DSCAM: variants seen among roughly 807,000 people sequenced by gnomAD.
DSCAM encodes cell adhesion molecule DSCAM.
In DSCAM, 47 loss-of-function variants were observed where a neutral mutation model predicts 217.7. The observed-to-expected ratio is 0.22, with a 90% CI of 0.17 to 0.28. The LOEUF is 0.28. Ranked by LOEUF, DSCAM falls within the 10% of genes least tolerant of loss-of-function variation. The pLI is 1.00. For missense variants in DSCAM, 2,080 were observed against 2,618.3 expected, an observed-to-expected ratio of 0.79 and a Z score of 4.49; for synonymous variants, 1,056 against 1,015.3, an observed-to-expected ratio of 1.04 and a Z score of -0.76.
At chr21:40,341,829 C>CGTCACTG (rs1569073954) in intron 6 of DSCAM, among the ~76,000 whole-genome samples, 2 of 152,170 alleles carry the variant, frequency 1.3e-5, no homozygotes, top group African/African-American at 4.8e-5. Context: ...TAATATCCCT[C>CGTCACTG]GTCACTGTTT....
At chr21:40,817,310 A>G (rs2091888623) in intron 1 of DSCAM, among the ~76,000 whole-genome samples, 1 of 152,226 alleles carries the variant, frequency 6.6e-6, no homozygotes, top group Non-Finnish European at 1.5e-5. Flanking sequence ...AGTGCAAATC[A>G]GATCGCTTGT....
At chr21:40,473,142 A>C (rs113047733) in intron 3 of DSCAM, among the ~76,000 whole-genome samples, 121 of 152,358 alleles carry the variant, frequency 7.9e-4, no homozygotes, top group African/African-American at 2.7e-3. Context: ...GTTTACCTGC[A>C]AGCAAGAATT....
At chr21:40,793,253 C>T (rs1392236247) in intron 1 of DSCAM, among the ~76,000 whole-genome samples, 2 of 151,946 alleles carry the variant, frequency 1.3e-5, no homozygotes, top group East Asian at 1.9e-4. Flanking sequence ...TGGCTGGAGG[C>T]CTGTGATGGG....
At chr21:40,287,709 G>C (rs2073845005) in intron 10 of DSCAM, among the ~76,000 whole-genome samples, 1 of 152,172 alleles carries the variant, frequency 6.6e-6, no homozygotes, top group Admixed American at 6.5e-5. Flanking sequence ...GATTTCTCCA[G>C]GTGGGCTGAC....
intron 3 of DSCAM, among the ~76,000 whole-genome samples, chr21:40,581,646 C>T (rs1023820521): frequency 2.6e-5 from 4 of 152,252 alleles, no homozygotes; most frequent in Middle Eastern, 3.4e-3. Context: ...TTCCAAAATA[C>T]GACTTTCTGC....
intron 8 of DSCAM, among the ~76,000 whole-genome samples, chr21:40,327,831 G>T (rs1439503051): frequency 6.6e-6 from 1 of 152,002 alleles, no homozygotes; most frequent in African/African-American, 2.4e-5. Flanking sequence ...GCAAAAATCA[G>T]TAGTGTTTGT....
At chr21:40,624,247 A>C (rs2146305395) in intron 3 of DSCAM, among the ~76,000 whole-genome samples, 1 of 152,344 alleles carries the variant, frequency 6.6e-6, no homozygotes, top group Non-Finnish European at 1.5e-5. Flanking sequence ...ACTGGGTTAA[A>C]ATAAAATAAA....
chr21:40,357,056 C>T (rs796328958), intron 4 of DSCAM, among the ~76,000 whole-genome samples: 85 of 152,200 alleles, frequency 5.6e-4, no homozygotes, highest in African/African-American at 1.9e-3. Flanking sequence ...ACTTGATGAG[C>T]TTCCAGGACT....
At chr21:40,342,626 G>GTGTGTATATATATATA (rs1491362590) in intron 6 of DSCAM, among the ~76,000 whole-genome samples, 20 of 94,708 alleles carry the variant, frequency 2.1e-4, no homozygotes, top group African/African-American at 8.5e-4. Context: ...GTGTGTGTGT[G>GTGTGTATATATATATA]TATATATATA....
Position 40,338,217 on chromosome 21 carries a change from T to C in DSCAM, c.1667A>G (p.Asn556Ser). 1.2e-6 allele frequency: 2 copies of C among 1,614,250 alleles called. No individual in the cohort carries two copies. The highest frequency in any genetic ancestry group is 2.2e-5 in the East Asian group (1 of 44,894). ...CACATCTGAAAGTTTAAGAGTTCCATTGTTCTCAAATGCCACTTGGCGGTG... is the reference window on the plus strand; with the variant it reads ...CACATCTGAAAGTTTAAGAGTTCCACTGTTCTCAAATGCCACTTGGCGGTG... ...FNHRQVAFEN[N>S]GTLKLSDVQK... is the part of the protein sequence containing the mutation. The change falls in exon 8 of 33, where the codon AAT (asparagine) becomes AGT (serine). Residue 556 changes from asparagine to serine, a missense_variant. By Grantham distance (46) the Asn-to-Ser change is conservative. This residue lies in a region of DSCAM where 218 missense variants were observed against 364.1 expected (regional missense o/e 0.60). Coordinates refer to ENST00000400454, the MANE Select transcript of DSCAM (RefSeq NM_001389.5).
chr21:40,271,592 A>G (rs2073617626), intron 11 of DSCAM, among the ~76,000 whole-genome samples: 3 of 152,226 alleles, frequency 2.0e-5, no homozygotes, highest in African/African-American at 7.2e-5. Flanking sequence ...GGGACCCCAA[A>G]TTCGTTTAGC....
chr21:40,255,254 C>T (rs922786153), intron 11 of DSCAM, among the ~76,000 whole-genome samples: 1 of 152,040 alleles, frequency 6.6e-6, no homozygotes, highest in Admixed American at 6.6e-5. Flanking sequence ...GCTCCCGCTC[C>T]GTTTTTGTGG....
chr21:40,300,885 A>C (rs1264199896), intron 9 of DSCAM, among the ~76,000 whole-genome samples: 4 of 152,232 alleles, frequency 2.6e-5, no homozygotes, highest in Non-Finnish European at 5.9e-5. Context: ...CTGCTGGTAC[A>C]GAGACCACAC....
At position 40,188,050 on chromosome 21, in the gene DSCAM, GCT is replaced by G. The variant is rs1404474578; in HGVS notation, c.2554-65_2554-64del. 137 of 1,271,076 alleles carry G rather than the reference GCT, an allele frequency of 1.1e-4. No individual in the cohort carries two copies. The East Asian group carries it at 3.1e-3, about 28-fold the overall frequency. 78.7% of individuals were successfully genotyped at this position (1,271,076 alleles called of 1,614,324 possible). ...AGGCAAAATGACTTTGAGCCGTAAA[GCT>G]CTCTCTCTCCACTCTTTCAGTTCTC... On this transcript the variant is annotated intron_variant, in intron 12 of 32. Coordinates refer to ENST00000400454, the MANE Select transcript of DSCAM (RefSeq NM_001389.5).
At chr21:40,708,801 G>T in intron 1 of DSCAM, 30 bp from the exon 2 acceptor site, 1 of 1,430,578 alleles carries the variant, frequency 7.0e-7, no homozygotes, top group East Asian at 2.5e-5. Flanking sequence ...GGATCCATAG[G>T]TGAGTAAAAC....
chr21:40,340,766 A>C (rs547362664), intron 6 of DSCAM, among the ~76,000 whole-genome samples: 1 of 152,190 alleles, frequency 6.6e-6, no homozygotes, highest in Non-Finnish European at 1.5e-5. Context: ...TGAAAATTGG[A>C]AAGTATTATA....
chr21:40,242,316 T>C (rs926952127), intron 11 of DSCAM, among the ~76,000 whole-genome samples: 1 of 152,218 alleles, frequency 6.6e-6, no homozygotes, highest in Admixed American at 6.5e-5. Context: ...CTCATCTACC[T>C]TCTGAGCACC....
At chr21:40,276,299 G>T (rs1330979497) in intron 10 of DSCAM, 29 bp from the exon 11 acceptor site, 1 of 1,562,344 alleles carries the variant, frequency 6.4e-7, no homozygotes, top group Non-Finnish European at 8.7e-7. Context: ...GACGAGCAAT[G>T]ATGCAAACGA....
chr21:40,829,632 T>C (rs1328890271), intron 1 of DSCAM, among the ~76,000 whole-genome samples: 4 of 152,144 alleles, frequency 2.6e-5, no homozygotes, highest in Admixed American at 2.6e-4. Context: ...TGTCAAGAGA[T>C]AGATCCGTGA....
Sources: gnomAD v4.1 joint callset for allele counts (sites outside exome capture counted in the v4.1 genomes callset) on GRCh38, gnomAD v4.1.1 for gene constraint, gnomAD v4.1.1 regional missense constraint, MANE v1.5 for transcripts, NCBI Gene and HGNC (gene_info 2026-07-23, HGNC 2026-07-21) for gene names.